SLC12A5: variants seen among roughly 807,000 people sequenced by gnomAD.
SLC12A5 encodes K-Cl cotransporter 2.
A neutral mutation model predicts 124.0 loss-of-function variants in SLC12A5; 18 were observed. That is an observed-to-expected ratio of 0.15 (90% confidence interval 0.10 to 0.22). The LOEUF (loss-of-function observed/expected upper bound fraction) is 0.22, where lower values mean the gene tolerates loss of function less well. Among genes scored for constraint, SLC12A5 ranks in the 10% least tolerant of loss-of-function variants. The pLI is 1.00. For synonymous variants in SLC12A5, 589 were observed against 568.0 expected (o/e 1.04, Z -0.53); for missense variants, 867 against 1,478.7 (o/e 0.59, Z 6.78).
At chr20:46,028,447 G>A (rs2084416819), upstream of SLC12A5, among the ~76,000 whole-genome samples, 1 of 152,184 alleles carries the variant, frequency 6.6e-6, no homozygotes. Context: ...CCTGGCTGTG[G>A]GCTCCAGGGA....
At chr20:46,048,469 T>C (rs1038144879) in intron 16 of SLC12A5, among the ~76,000 whole-genome samples, 12 of 152,178 alleles carry the variant, frequency 7.9e-5, no homozygotes, top group Non-Finnish European at 1.3e-4. Context: ...CAGACAAACA[T>C]CAGATCATGT....
exon 3 of SLC12A5, chr20:46,023,443 C>T: frequency 2.5e-6 from 1 of 398,948 alleles, no homozygotes; most frequent in Non-Finnish European, 4.4e-6. Flanking sequence ...TCGGTCCCCC[C>T]TCTGTCATCA....
Position 46,045,731 on chromosome 20 carries a change from T to A in SLC12A5, c.1570-147T>A. The stretch of plus-strand genomic sequence containing the variant: ...AGCGAAAGCCTGTTATCCATTTGCA[T>A]TCTCCTGGAGGAAGAGAAATGCATC... On this transcript the variant is annotated intron_variant, in intron 12 of 25. Transcript: ENST00000243964. This position sits in a 1 kb window ranked among gnomAD's most constrained non-coding sequence, Gnocchi z 4.9. The A allele has an allele frequency of 1.6e-6, 1 of 644,688 alleles. No individual in the cohort carries two copies. Among genetic ancestry groups the A allele is most frequent in the Non-Finnish European group, 2.7e-6 (1 of 373,664 alleles). 39.9% of individuals were successfully genotyped at this position (644,688 alleles called of 1,614,324 possible). A position where few individuals can be genotyped will look rare whatever the true frequency, so the allele number is the denominator to read the frequency against.
chr20:46,038,859 G>T (rs896483210), intron 6 of SLC12A5, among the ~76,000 whole-genome samples: 1 of 152,190 alleles, frequency 6.6e-6, no homozygotes, highest in Non-Finnish European at 1.5e-5. Context: ...TTAGTGTCAC[G>T]GCAGGATGGA....
At chr20:46,022,943 G>GGGAAGAGGAGGAGGAGGAGGAGGA (rs2084367058) in exon 2 of SLC12A5, 13 of 366,156 alleles carry the variant, frequency 3.6e-5, no homozygotes, top group African/African-American at 2.6e-4. Flanking sequence ...CCCCAGCGAG[G>GGGAAGAGGAGGAGGAGGAGGAGGA]GGAGGAGGAG....
chr20:46,037,168 C>T (rs1259543733), intron 5 of SLC12A5, 87 bp from the exon 6 acceptor site: 8 of 1,501,334 alleles, frequency 5.3e-6, no homozygotes, highest in East Asian at 2.3e-5. Flanking sequence ...GAGCAACCCC[C>T]TTCTGCCTCT....
At chr20:46,032,138 C>T (rs2084458060) in intron 1 of SLC12A5, among the ~76,000 whole-genome samples, 1 of 152,352 alleles carries the variant, frequency 6.6e-6, no homozygotes, top group African/African-American at 2.4e-5. Flanking sequence ...GCGCTGCGCG[C>T]CGCGTTACAT....
rs916326937 is a variant in SLC12A5, at chr20:46,058,319, G to A, written c.*714G>A. The A allele has an allele frequency of 1.3e-5, 5 of 397,324 alleles. No homozygotes were observed. Among genetic ancestry groups the A allele is most frequent in the African/African-American group, 8.2e-5 (4 of 48,606 alleles). The allele number at this position is 397,324 out of a possible 1,614,324, so 24.6% of individuals were successfully genotyped here. Reference sequence around the variant, plus strand: ...AGGCCCAGGCGGGGGTCGTGGCCTCGTTCCCTCGACACCTCCGTCCTGCTC... The same window carrying A: ...AGGCCCAGGCGGGGGTCGTGGCCTCATTCCCTCGACACCTCCGTCCTGCTC... On this transcript the variant is annotated 3_prime_UTR_variant, in exon 26 of 26. Transcript: ENST00000243964. The surrounding 1 kb of genome is among the most constrained non-coding windows in gnomAD (Gnocchi z 5.8).
Position 46,043,246 on chromosome 20 carries a change from T to A in SLC12A5, c.1160T>A (p.Met387Lys), listed in dbSNP as rs2084563763. The change falls in exon 9 of 26, where the codon ATG becomes AAG. Residue 387 changes from methionine (M) to lysine (K), a missense_variant. Physicochemically the swap from Met to Lys is moderately conservative, Grantham distance 95 (BLOSUM62 -1). Coordinates refer to ENST00000243964, the MANE Select transcript of SLC12A5 (RefSeq NM_020708.5). ...VGLADGTPID[M>K]DHPYVFSDMT... The stretch of plus-strand genomic sequence containing the variant: ...CTGGCCGATGGCACTCCTATCGACA[T>A]GGACCACCCTTATGTCTTCAGTGAT... 1 of 1,614,082 alleles carries A rather than the reference T, an allele frequency of 6.2e-7. No individual in the cohort carries two copies. Among genetic ancestry groups the A allele is most frequent in the South Asian group, 1.1e-5 (1 of 91,064 alleles).
rs3080279 is a variant in SLC12A5 at position 46,029,858 on chromosome 20, C to CTGTGTGTGTG, written c.52+485_52+494dup. 3.4e-3 allele frequency among the ~76,000 whole-genome samples: 455 copies of CTGTGTGTGTG among 133,070 alleles called. 3 individuals are homozygous for CTGTGTGTGTG. Among genetic ancestry groups the CTGTGTGTGTG allele is most frequent in the African/African-American group, 0.011 (346 of 32,282 alleles). 87.3% of individuals were successfully genotyped at this position (133,070 alleles called of 152,430 possible). A position where few individuals can be genotyped will look rare whatever the true frequency, so the allele number is the denominator to read the frequency against. On this transcript the variant is annotated intron_variant, in intron 1 of 25. Transcript: ENST00000243964. ...ATCTGGAAGATGGGGGAAGAGGTGG[C>CTGTGTGTGTG]TGTGTGTGTGTGTGTGTGTGTGTGT...
chr20:46,029,075 C>T (rs563493959), upstream of SLC12A5: 173 of 1,270,870 alleles, frequency 1.4e-4, no homozygotes, highest in African/African-American at 2.2e-3. Context: ...TCTCTCCCTC[C>T]CGCTCTCCCC....
In SLC12A5 at chr20:46,051,580, A is replaced by G. The variant is rs1485277881; in HGVS notation, c.2182-95A>G. The G allele has an allele frequency of 4.2e-6, 5 of 1,190,224 alleles. No homozygotes were observed. In the East Asian group the frequency reaches 1.3e-4, roughly 30 times the overall value. 73.7% of individuals were successfully genotyped at this position (1,190,224 alleles called of 1,614,324 possible). ...CTGAGCTTCAGGAAGATTGGGATGAAAGGAGGGGAGAGATGGGAGGGAAGG... is the reference window on the plus strand; with the variant it reads ...CTGAGCTTCAGGAAGATTGGGATGAGAGGAGGGGAGAGATGGGAGGGAAGG... On this transcript the variant is annotated intron_variant, in intron 17 of 25. Transcript: ENST00000243964.
At chr20:46,024,063 G>A (rs1310945105), downstream of SLC12A5, among the ~76,000 whole-genome samples, 1 of 152,106 alleles carries the variant, frequency 6.6e-6, no homozygotes, top group Non-Finnish European at 1.5e-5. Context: ...CTTCGCTGGG[G>A]TCGAAGTGAA....
At chr20:46,030,858 T>C (rs538675194) in intron 1 of SLC12A5, among the ~76,000 whole-genome samples, 12 of 147,456 alleles carry the variant, frequency 8.1e-5, no homozygotes, top group African/African-American at 3.0e-4. Flanking sequence ...GGCTGAGTGG[T>C]ATACAGGTGC....
rs2145507474 is a variant in SLC12A5, at chr20:46,056,161, C to T, written c.2799C>T (p.Ile933=). 6.2e-7 allele frequency: 1 copy of T among 1,614,108 alleles called. No homozygotes were observed. The highest frequency in any genetic ancestry group is 8.5e-7 in the Non-Finnish European group (1 of 1,179,988). Residue 933 remains isoleucine (I), a synonymous_variant, in exon 22 of 26, where the codon ATC becomes ATT. Coordinates refer to ENST00000243964, the MANE Select transcript of SLC12A5 (RefSeq NM_020708.5). This position sits in a 1 kb window ranked among gnomAD's most constrained non-coding sequence, Gnocchi z 4.3. ...ATGTCACTCCCTAGATCCAGAGTATCACAGATGAGTCACGAGGCTCAATCC... is the reference window on the plus strand; with the variant it reads ...ATGTCACTCCCTAGATCCAGAGTATTACAGATGAGTCACGAGGCTCAATCC... ...KNEREREIQS[I]TDESRGSIRR...
At chr20:46,046,459 T>C (rs765598022) in intron 14 of SLC12A5, 23 bp downstream of exon 14, 37 of 1,605,014 alleles carry the variant, frequency 2.3e-5, no homozygotes, top group Non-Finnish European at 3.0e-5. Flanking sequence ...TCCCCACACT[T>C]CCACTGAGCC....
rs759768562 is a variant in SLC12A5 at position 46,045,137 on chromosome 20, G to A, written c.1566G>A (p.Leu522=). The change falls in exon 12 of 26, where the codon CTG becomes CTA. Residue 522 remains leucine, a synonymous_variant. Coordinates refer to ENST00000243964, the MANE Select transcript of SLC12A5 (RefSeq NM_020708.5). This position sits in a 1 kb window ranked among gnomAD's most constrained non-coding sequence, Gnocchi z 4.9. The part of the protein sequence containing the change: ...AISRDGIVPF[L]QVFGHGKANG... ...CGAGGGATGGCATTGTGCCCTTCCT[G>A]CAGGTCAGTGTGGGAGAAGAACAGC... The A allele has an allele frequency of 6.3e-7, 1 of 1,575,426 alleles. No homozygotes were observed. Among genetic ancestry groups the A allele is most frequent in the Admixed American group, 1.7e-5 (1 of 57,590 alleles).
rs745748778 is a variant in SLC12A5, at chr20:46,035,060, T to G, written c.147+18T>G. ...TGTTTGAGGTGGGCTGCTAGGGCTG[T>G]TGGGCCCCCACCTACAATTCATTAT... On this transcript the variant is annotated intron_variant, in intron 2 of 25. Coordinates refer to ENST00000243964, the MANE Select transcript of SLC12A5 (RefSeq NM_020708.5). 4 of 1,611,300 alleles carry G rather than the reference T, an allele frequency of 2.5e-6. No individual in the cohort carries two copies. The highest frequency in any genetic ancestry group is 8.5e-7 in the Non-Finnish European group (1 of 1,177,600).
exon 3 of SLC12A5, chr20:46,023,461 G>T: frequency 2.5e-6 from 1 of 398,770 alleles, no homozygotes; most frequent in South Asian, 1.3e-4. Flanking sequence ...TCATCGCCCT[G>T]CTCCAAGCCT....
Sources: allele counts gnomAD v4.1 joint callset (sites outside exome capture counted in the v4.1 genomes callset), GRCh38; gene constraint gnomAD v4.1.1; non-coding constraint Gnocchi (gnomAD v3.1); transcripts MANE v1.5; gene names NCBI Gene and HGNC (gene_info 2026-07-23, HGNC 2026-07-21).